Variants in CTSL observed in about 807,000 individuals in gnomAD.
The protein encoded by CTSL is cathepsin L.
CTSL carries 23 observed loss-of-function variants against 34.7 expected under a neutral mutation model. The ratio of observed to expected loss-of-function variants is 0.66; its 90% confidence interval spans 0.48 to 0.94. CTSL has a LOEUF of 0.94. CTSL is among the 40% of genes least tolerant of loss of function. The pLI, the probability that CTSL is intolerant of heterozygous loss-of-function variation, is 0.00. For synonymous variants in CTSL, 129 were observed against 136.7 expected (o/e 0.94, Z 0.39); for missense variants, 361 against 406.3 (o/e 0.89, Z 0.96).
intron 2 of CTSL, 139 bp downstream of exon 2, chr9:87,727,868 C>G: frequency 1.4e-6 from 2 of 1,395,280 alleles, no homozygotes; most frequent in Non-Finnish European, 2.0e-6. Flanking sequence ...TGTGGACATT[C>G]ATCCTTGTTG....
At chr9:87,728,478 A>C in intron 4 of CTSL, 82 bp downstream of exon 4, 1 of 1,575,618 alleles carries the variant, frequency 6.3e-7, no homozygotes, top group Non-Finnish European at 8.6e-7. Context: ...GTAGACTTTA[A>C]AGTGATGTAC....
intron 1 of CTSL, among the ~76,000 whole-genome samples, chr9:87,726,840 C>T (rs1587867829): frequency 1.3e-5 from 2 of 152,124 alleles, no homozygotes; most frequent in South Asian, 4.2e-4. Context: ...GTCAGTAGTT[C>T]GAGACCAGCC....
chr9:87,729,937 C>G (rs963506937), intron 6 of CTSL, among the ~76,000 whole-genome samples: 1 of 152,096 alleles, frequency 6.6e-6, no homozygotes, highest in Non-Finnish European at 1.5e-5. Flanking sequence ...AATATAAGTA[C>G]TTCATAACTT....
chr9:87,729,671 A>G lies in CTSL; in HGVS notation c.720A>G (p.Ala240=). ...AGAAGGCCCTGATGAAGGCAGTTGC[A>G]ACTGTGGGGCCCATTTCTGTTGCTA... ...KQEKALMKAV[A]TVGPISVAID... is the part of the protein sequence containing the mutation. The change falls in exon 6 of 8, where the codon GCA becomes GCG. Residue 240 remains alanine, a synonymous_variant. Transcript: ENST00000343150. The G allele has an allele frequency of 1.2e-6, 2 of 1,614,122 alleles. No individual in the cohort carries two copies. The highest frequency in any genetic ancestry group is 1.7e-6 in the Non-Finnish European group (2 of 1,180,004).
At chr9:87,728,540 TA>T (rs763132431) in intron 4 of CTSL, 44 bp from the exon 5 acceptor site, 28 of 1,578,592 alleles carry the variant, frequency 1.8e-5, no homozygotes, top group African/African-American at 1.4e-4. Flanking sequence ...AAAGTCTTAT[TA>T]TTTTTTTTTT....
chr9:87,730,818 T>G (rs576614361), intron 7 of CTSL, among the ~76,000 whole-genome samples, 190 bp from the exon 8 acceptor site: 3 of 152,218 alleles, frequency 2.0e-5, no homozygotes, highest in Non-Finnish European at 4.4e-5. Flanking sequence ...AGGTCACAGT[T>G]TGGAGGCTGG....
At chr9:87,730,918 C>T (rs993006356) in intron 7 of CTSL, 90 bp from the exon 8 acceptor site, 1 of 1,019,410 alleles carries the variant, frequency 9.8e-7, no homozygotes, top group Admixed American at 2.0e-5. Context: ...AGTCTATGGC[C>T]TCTGGCACAG....
In CTSL at chr9:87,730,890, T is replaced by C. The variant is rs941405833; in HGVS notation, c.903-118T>C. The C allele has an allele frequency of 1.7e-5, 13 of 752,682 alleles. No homozygotes were observed. In the East Asian group the frequency reaches 3.5e-4, roughly 20 times the overall value. The allele number at this position is 752,682 out of a possible 1,614,324, so 46.6% of individuals were successfully genotyped here. ...TAAGGATAAACAGGAACATTGCCTG[T>C]CCTGATTCTTTCTGTTAAGTCTATG... On this transcript the variant is annotated intron_variant, in intron 7 of 7. Transcript: ENST00000343150.
At chr9:87,726,694 G>T (rs550502461) in intron 1 of CTSL, among the ~76,000 whole-genome samples, 14 of 152,344 alleles carry the variant, frequency 9.2e-5, no homozygotes, top group Middle Eastern at 3.4e-3. Context: ...GGAGGGAGCA[G>T]TGCGTGCTCT....
chr9:87,727,775 T>C (rs1826084093), intron 2 of CTSL, 46 bp downstream of exon 2: 4 of 1,610,384 alleles, frequency 2.5e-6, no homozygotes, highest in Non-Finnish European at 1.7e-6. Context: ...TGTTGAGAAG[T>C]TTTAGTCAGA....
chr9:87,730,900 TTC>T, intron 7 of CTSL, 106 bp from the exon 8 acceptor site: 1 of 817,654 alleles, frequency 1.2e-6, no homozygotes, highest in Non-Finnish European at 1.9e-6. Flanking sequence ...TCCTGATTCT[TTC>T]TGTTAAGTCT....
rs758533445 is a variant in CTSL at position 87,728,156 on chromosome 9, G to C, written c.249+7G>C. On this transcript the variant is annotated splice_region_variant and intron_variant, in intron 3 of 7. Transcript: ENST00000343150. Reference sequence around the variant, plus strand: ...GAACGCCTTTGGAGACATGGTAAGTGTGCTGTGGACTGCCGAGCTCTGTGC... The same window carrying C: ...GAACGCCTTTGGAGACATGGTAAGTCTGCTGTGGACTGCCGAGCTCTGTGC... The C allele has an allele frequency of 1.2e-6, 2 of 1,614,238 alleles. No individual in the cohort carries two copies. Among genetic ancestry groups the C allele is most frequent in the African/African-American group, 1.3e-5 (1 of 75,068 alleles).
At chr9:87,727,469 G>T (rs1200542931) in intron 1 of CTSL, 125 bp from the exon 2 acceptor site, 4 of 1,040,166 alleles carry the variant, frequency 3.8e-6, no homozygotes, top group Non-Finnish European at 4.2e-6. Context: ...CAGTCCTTGG[G>T]TAAATGCTTG....
chr9:87,730,952 A>T, intron 7 of CTSL, 56 bp from the exon 8 acceptor site: 1 of 1,454,516 alleles, frequency 6.9e-7, no homozygotes, highest in Non-Finnish European at 9.6e-7. Context: ...TGTTCCTGTT[A>T]ATAACCCTTT....
chr9:87,731,327 T>TGCAAGC lies in CTSL; in HGVS notation c.*223_*224insAGCGCA. On this transcript the variant is annotated 3_prime_UTR_variant, in exon 8 of 8. Transcript: ENST00000343150. ...ATATTATTGATTCACTTACTGACTT[T>TGCAAGC]GCATTTTCGTTTTTAAAAGGATGTA... is the stretch of plus-strand genomic sequence containing the variant. The TGCAAGC allele has an allele frequency of 2.7e-6, 1 of 374,652 alleles. No homozygotes were observed. The highest frequency in any genetic ancestry group is 4.7e-6 in the Non-Finnish European group (1 of 211,262). The allele number at this position is 374,652 out of a possible 1,614,324, so 23.2% of individuals were successfully genotyped here. A position where few individuals can be genotyped will look rare whatever the true frequency, so the allele number is the denominator to read the frequency against.
In CTSL at chr9:87,729,791, G is replaced by A. The variant is rs535031116; in HGVS notation, c.784+56G>A. 6.3e-5 allele frequency: 96 copies of A among 1,512,128 alleles called. 2 individuals are homozygous for A. In the South Asian group the frequency reaches 1.2e-3, roughly 18 times the overall value. 93.7% of individuals were successfully genotyped at this position (1,512,128 alleles called of 1,614,324 possible). On this transcript the variant is annotated intron_variant, in intron 6 of 7. Transcript: ENST00000343150. ...GCAGAAAAAGAGTATCATGACATAC[G>A]AGCATGATAGACTCTGGTTTGCAAG... is the stretch of plus-strand genomic sequence containing the variant.
chr9:87,729,489 T>G, intron 5 of CTSL, 84 bp from the exon 6 acceptor site: 1 of 1,200,212 alleles, frequency 8.3e-7, no homozygotes, highest in Non-Finnish European at 1.2e-6. Context: ...AGCTGCACAC[T>G]GCTGAGTGTT....
chr9:87,728,070 A>C lies in CTSL; in HGVS notation c.170A>C (p.Lys57Thr). The C allele has an allele frequency of 6.2e-7, 1 of 1,613,998 alleles. No homozygotes were observed. Among genetic ancestry groups the C allele is most frequent in the Non-Finnish European group, 8.5e-7 (1 of 1,179,908 alleles). The change falls in exon 3 of 8, where the codon AAG becomes ACG. Residue 57 changes from lysine to threonine, a missense_variant. Coordinates refer to ENST00000343150, the MANE Select transcript of CTSL (RefSeq NM_001912.5). ...WRRAVWEKNM[K>T]MIELHNQEYR... is the part of the protein sequence containing the mutation. ...AGAGCAGTGTGGGAGAAGAACATGA[A>C]GATGATTGAACTGCACAATCAGGAA...
At position 87,729,179 on chromosome 9, in the gene CTSL, A is replaced by G. The variant is rs1826157850; in HGVS notation, c.621+370A>G. On this transcript the variant is annotated intron_variant, in intron 5 of 7. Coordinates refer to ENST00000343150, the MANE Select transcript of CTSL (RefSeq NM_001912.5). Reference sequence around the variant, plus strand: ...GACCCTGTCTCCAAAAAAAAAAAAAAGTTCACATATTAGATGGCAGAATAT... The same window carrying G: ...GACCCTGTCTCCAAAAAAAAAAAAAGGTTCACATATTAGATGGCAGAATAT... Among the ~76,000 whole-genome samples the G allele has an allele frequency of 2.0e-5, 3 of 152,024 alleles. No individual in the cohort carries two copies. In the South Asian group the frequency reaches 6.2e-4, roughly 31 times the overall value.
Sources: allele counts gnomAD v4.1 joint callset (sites outside exome capture counted in the v4.1 genomes callset), GRCh38; gene constraint gnomAD v4.1.1; transcripts MANE v1.5; gene names NCBI Gene and HGNC (gene_info 2026-07-23, HGNC 2026-07-21).